CHRNA5: variants seen among roughly 807,000 people sequenced by gnomAD.
CHRNA5 encodes the protein neuronal acetylcholine receptor subunit alpha-5.
In CHRNA5, 28 loss-of-function variants were observed where a neutral mutation model predicts 41.2. The observed-to-expected ratio is 0.68, with a 90% CI of 0.50 to 0.93. The LOEUF (loss-of-function observed/expected upper bound fraction) is 0.93. Among genes scored for constraint, CHRNA5 ranks in the 40% least tolerant of loss-of-function variants. The pLI, the probability that CHRNA5 is intolerant of heterozygous loss-of-function variation, is 0.00. For missense variants in CHRNA5, 481 were observed against 581.9 expected, an observed-to-expected ratio of 0.83 and a Z score of 1.78; for synonymous variants, 188 against 205.8, an observed-to-expected ratio of 0.91 and a Z score of 0.74.
Position 78,577,712 on chromosome 15 carries a change from C to T in CHRNA5, c.107-3099C>T, listed in dbSNP as rs187871938. Among the ~76,000 whole-genome samples the T allele has an allele frequency of 3.3e-5, 5 of 152,130 alleles. No individual in the cohort carries two copies. In the East Asian group the frequency reaches 7.7e-4, roughly 24 times the overall value. Reference sequence around the variant, plus strand: ...CTTTGGGAGGCAGAGGCTAGCAGATCGCTTGAGCTCAGGAGTTCAAGACCA... The same window carrying T: ...CTTTGGGAGGCAGAGGCTAGCAGATTGCTTGAGCTCAGGAGTTCAAGACCA... On this transcript the variant is annotated intron_variant, in intron 1 of 5. Coordinates refer to ENST00000299565, the Ensembl canonical transcript of CHRNA5.
chr15:78,581,297 T>G (rs550060708), intron 2 of CHRNA5, among the ~76,000 whole-genome samples: 1 of 152,340 alleles, frequency 6.6e-6, no homozygotes, highest in East Asian at 1.9e-4. Flanking sequence ...AATAAATTTT[T>G]AAGTTTAAGA....
exon 5 of CHRNA5, chr15:78,590,207 C>T: frequency 1.2e-6 from 2 of 1,613,994 alleles, no homozygotes; most frequent in Non-Finnish European, 1.7e-6. Flanking sequence ...TACTTGTCTT[C>T]TATCTTCCTT....
intron 1 of CHRNA5, among the ~76,000 whole-genome samples, chr15:78,579,817 G>A (rs762083925): frequency 4.6e-5 from 7 of 152,106 alleles, no homozygotes; most frequent in Non-Finnish European, 7.3e-5. Flanking sequence ...CCTTCTTGCT[G>A]CATTTTCTTC....
intron 1 of CHRNA5, among the ~76,000 whole-genome samples, chr15:78,570,385 A>G (rs1389733380): frequency 1.3e-5 from 2 of 148,150 alleles, no homozygotes; most frequent in Admixed American, 1.4e-4. Flanking sequence ...CAGCCTCCCA[A>G]GTAGCTGAAA....
chr15:78,565,890 A>G, intron 1 of CHRNA5, 65 bp downstream of exon 1: 1 of 1,035,292 alleles, frequency 9.7e-7, no homozygotes, highest in Non-Finnish European at 1.2e-6. Context: ...GGTGCCCAGG[A>G]AGCCGCCAGG....
intron 1 of CHRNA5, among the ~76,000 whole-genome samples, chr15:78,572,595 T>G (rs959213634): frequency 2.6e-5 from 4 of 152,154 alleles, no homozygotes; most frequent in Non-Finnish European, 5.9e-5. Context: ...GTGATTCTCC[T>G]GCCTCAGCCT....
At chr15:78,592,304 G>A (rs12901535) in intron 5 of CHRNA5, among the ~76,000 whole-genome samples, 4,145 of 152,224 alleles carry the variant, frequency 0.027, 76 homozygotes, top group Non-Finnish European at 0.043. Flanking sequence ...CCTGGGGGAC[G>A]GAGCAAGGCT....
chr15:78,573,456 C>T (rs1003171047), intron 1 of CHRNA5, among the ~76,000 whole-genome samples: 4 of 152,178 alleles, frequency 2.6e-5, no homozygotes, highest in African/African-American at 7.2e-5. Flanking sequence ...ACCAGGTCTT[C>T]GTTTTCTGCT....
At chr15:78,570,214 TG>T in intron 1 of CHRNA5, among the ~76,000 whole-genome samples, 1 of 152,272 alleles carries the variant, frequency 6.6e-6, no homozygotes, top group East Asian at 1.9e-4. Flanking sequence ...TTAGATGTTT[TG>T]TTCTCCTTTG....
chr15:78,580,661 G>C (rs1314120403), intron 1 of CHRNA5, 150 bp from the exon 2 acceptor site: 2 of 451,846 alleles, frequency 4.4e-6, no homozygotes, highest in African/African-American at 2.0e-5. Context: ...TTTTGAGACA[G>C]AGTCTCTCTC....
exon 2 of CHRNA5, chr15:78,580,815 A>G: frequency 6.2e-7 from 1 of 1,611,406 alleles, no homozygotes; most frequent in South Asian, 1.1e-5. Context: ...ATACAGGATT[A>G]TCTGAACCTT....
intron 2 of CHRNA5, among the ~76,000 whole-genome samples, chr15:78,582,315 A>G (rs1342425541): frequency 6.6e-6 from 1 of 151,984 alleles, no homozygotes; most frequent in South Asian, 2.1e-4. Context: ...GCAAAACCTC[A>G]TTTCTATCAA....
At chr15:78,568,347 A>G (rs999889338) in intron 1 of CHRNA5, among the ~76,000 whole-genome samples, 4 of 152,200 alleles carry the variant, frequency 2.6e-5, no homozygotes, top group African/African-American at 9.6e-5. Flanking sequence ...GACAGTGATT[A>G]TGGAAGTTAG....
chr15:78,595,254 T>A (rs1438868048), exon 6 of CHRNA5: 1 of 979,142 alleles, frequency 1.0e-6, no homozygotes, highest in African/African-American at 1.8e-5. Context: ...TTTTTATATA[T>A]AAATTTTTAT....
At chr15:78,589,615 T>C in intron 4 of CHRNA5, 190 bp from the exon 5 acceptor site, 1 of 528,192 alleles carries the variant, frequency 1.9e-6, no homozygotes, top group Non-Finnish European at 3.3e-6. Context: ...TCTAGTAGAG[T>C]TAGATATTTA....
exon 1 of CHRNA5, chr15:78,565,704 G>C: frequency 9.0e-7 from 1 of 1,107,738 alleles, no homozygotes; most frequent in Non-Finnish European, 1.1e-6. Flanking sequence ...CCGCGGTCCC[G>C]CGCGGGCGCG....
intron 1 of CHRNA5, among the ~76,000 whole-genome samples, chr15:78,573,907 C>T (rs542646912): frequency 2.7e-5 from 4 of 149,986 alleles, no homozygotes; most frequent in African/African-American, 9.8e-5. Flanking sequence ...TCTTCTTCTT[C>T]TGCCTCAGCC....
intron 2 of CHRNA5, among the ~76,000 whole-genome samples, chr15:78,585,018 C>G (rs1003294504): frequency 1.3e-5 from 2 of 152,194 alleles, no homozygotes; most frequent in African/African-American, 2.4e-5. Flanking sequence ...CTTCCAGATT[C>G]AAGCGGTTCT....
intron 1 of CHRNA5, among the ~76,000 whole-genome samples, 168 bp downstream of exon 1, chr15:78,565,993 C>G (rs1419425150): frequency 6.6e-6 from 1 of 152,154 alleles, no homozygotes; most frequent in African/African-American, 2.4e-5. Flanking sequence ...TCCAGATTTG[C>G]TCATTTAAAT....
Sources: gnomAD v4.1 joint callset for allele counts (sites outside exome capture counted in the v4.1 genomes callset) on GRCh38, gnomAD v4.1.1 for gene constraint, MANE v1.5 for transcripts, NCBI Gene and HGNC (gene_info 2026-07-23, HGNC 2026-07-21) for gene names.